ST3GAL1: variants seen among roughly 807,000 people sequenced by gnomAD.
ST3GAL1 encodes the protein ST3 beta-galactoside alpha-2,3-sialyltransferase 1, also known as CMP-N-acetylneuraminate-beta-galactosamide-alpha-2,3-sialyltransferase 1.
A neutral mutation model predicts 34.1 loss-of-function variants in ST3GAL1; 16 were observed. That is an observed-to-expected ratio of 0.47 (90% CI 0.32 to 0.71). The LOEUF is 0.71. Among genes scored for constraint, ST3GAL1 ranks in the 30% least tolerant of loss-of-function variants. The pLI is 0.04. For missense variants in ST3GAL1, 353 were observed against 447.4 expected, an observed-to-expected ratio of 0.79 and a Z score of 1.90; for synonymous variants, 191 against 184.7, an observed-to-expected ratio of 1.03 and a Z score of -0.28.
chr8:133,550,343 T>C (rs2131083054), intron 1 of ST3GAL1, among the ~76,000 whole-genome samples: 1 of 152,292 alleles, frequency 6.6e-6, no homozygotes, highest in East Asian at 1.9e-4. Context: ...AGCATGTTCA[T>C]ACACACGAGC....
intron 3 of ST3GAL1, among the ~76,000 whole-genome samples, chr8:133,478,121 T>C (rs1163345602): frequency 1.3e-5 from 2 of 152,206 alleles, no homozygotes; most frequent in African/African-American, 2.4e-5. Context: ...ACCTAGATTT[T>C]GTTTATAACC....
chr8:133,464,049 C>T (rs1281504263), intron 7 of ST3GAL1, among the ~76,000 whole-genome samples: 1 of 150,184 alleles, frequency 6.7e-6, no homozygotes, highest in Non-Finnish European at 1.5e-5. Context: ...CGGGGGCTAG[C>T]TCTGTTCCTA....
In ST3GAL1 at chr8:133,562,092, T is replaced by TA. The variant is rs777008720; in HGVS notation, c.-582+9600dup. Reference sequence around the variant, plus strand: ...AAGACCCTGTCTCCAAAAATAAAAATAAAAAAAAAGAGAGACCTACCAAGT... The same window carrying TA: ...AAGACCCTGTCTCCAAAAATAAAAATAAAAAAAAAAGAGAGACCTACCAAGT... On this transcript the variant is annotated intron_variant, in intron 1 of 9. Coordinates refer to ENST00000522652, the MANE Select transcript of ST3GAL1 (RefSeq NM_173344.3). Among the ~76,000 whole-genome samples, 185 of 146,202 alleles carry TA rather than the reference T, an allele frequency of 1.3e-3. 6 individuals carry two copies. The South Asian group carries it at 0.022, about 17-fold the overall frequency.
At position 133,464,326 on chromosome 8, in the gene ST3GAL1, A is replaced by T. The variant is rs903574432; in HGVS notation, c.683+452T>A. 2.0e-5 allele frequency among the ~76,000 whole-genome samples: 3 copies of T among 152,198 alleles called. No individual in the cohort carries two copies. In the East Asian group the frequency reaches 5.8e-4, roughly 29 times the overall value. Reference sequence around the variant, plus strand: ...CAGGGAAGCCACAGCCGCGTTGCTCAGCACTGCTTGCCCTGGGGAGGGGCC... The same window carrying T: ...CAGGGAAGCCACAGCCGCGTTGCTCTGCACTGCTTGCCCTGGGGAGGGGCC... On this transcript the variant is annotated intron_variant, in intron 7 of 9. Coordinates refer to ENST00000522652, the MANE Select transcript of ST3GAL1 (RefSeq NM_173344.3).
intron 2 of ST3GAL1, among the ~76,000 whole-genome samples, chr8:133,529,402 C>T (rs146523701): frequency 6.6e-6 from 1 of 152,302 alleles, no homozygotes; most frequent in East Asian, 1.9e-4. Flanking sequence ...GGTCGTAAAA[C>T]TCAGGACCTG....
chr8:133,487,725 T>C (rs1031534608), intron 3 of ST3GAL1, among the ~76,000 whole-genome samples: 3 of 152,102 alleles, frequency 2.0e-5, no homozygotes, highest in East Asian at 1.9e-4. Context: ...TCCCAGCACT[T>C]TGGGAGGCTA....
chr8:133,470,467 A>G lies in ST3GAL1; in HGVS notation c.307-4377T>C, dbSNP rs554854697. 3.9e-5 allele frequency among the ~76,000 whole-genome samples: 6 copies of G among 152,198 alleles called. No homozygotes were observed. In the South Asian group the frequency reaches 1.0e-3, roughly 26 times the overall value. On this transcript the variant is annotated intron_variant, in intron 5 of 9. Coordinates refer to ENST00000522652, the MANE Select transcript of ST3GAL1 (RefSeq NM_173344.3). ...TGCTACTGATATGAACACAGGACAG[A>G]GTGTTTGGAAGTTCAGGGACACGCC...
rs1406462185 is a variant in ST3GAL1, at chr8:133,547,726, T to C, written c.-581-1800A>G. Among the ~76,000 whole-genome samples the C allele has an allele frequency of 3.3e-5, 5 of 152,328 alleles. No homozygotes were observed. In the East Asian group the frequency reaches 9.7e-4, roughly 29 times the overall value. On this transcript the variant is annotated intron_variant, in intron 1 of 9. Coordinates refer to ENST00000522652, the MANE Select transcript of ST3GAL1 (RefSeq NM_173344.3). ...ATGTCTGTTTGTAGGCACTGGGGTT[T>C]GGGGCTGTTTGTTATACAGAGAAAG...
Position 133,464,809 on chromosome 8 carries a change from C to A in ST3GAL1, c.652G>T (p.Val218Leu). Reference protein sequence around the residue: ...PFKTIDLEWVVSAITTGTISH... With the variant: ...PFKTIDLEWVLSAITTGTISH... ...ATGGTGCCCGTGGTGATGGCGCTCACCACCCACTCCAAGTCGATGGTCTTG... is the reference window on the plus strand; with the variant it reads ...ATGGTGCCCGTGGTGATGGCGCTCAACACCCACTCCAAGTCGATGGTCTTG... The change falls in exon 7 of 10, where the codon GTG becomes TTG. Residue 218 changes from valine to leucine, a missense_variant. Physicochemically the swap from Val to Leu is conservative, Grantham distance 32 (BLOSUM62 1). Transcript: ENST00000522652. 6.2e-7 allele frequency: 1 copy of A among 1,613,708 alleles called. No individual in the cohort carries two copies. Among genetic ancestry groups the A allele is most frequent in the South Asian group, 1.1e-5 (1 of 91,034 alleles).
chr8:133,531,315 A>T (rs1563729685), intron 2 of ST3GAL1, among the ~76,000 whole-genome samples: 1 of 152,208 alleles, frequency 6.6e-6, no homozygotes, highest in Non-Finnish European at 1.5e-5. Flanking sequence ...ATATAAACAC[A>T]TGTATGTATA....
chr8:133,522,252 G>A (rs1007180266), intron 2 of ST3GAL1, among the ~76,000 whole-genome samples: 11 of 152,130 alleles, frequency 7.2e-5, no homozygotes, highest in African/African-American at 2.7e-4. Flanking sequence ...AGAGGATGTG[G>A]AAAAACGCAG....
intron 1 of ST3GAL1, among the ~76,000 whole-genome samples, chr8:133,553,265 T>C (rs1284863028): frequency 1.3e-5 from 2 of 152,148 alleles, no homozygotes; most frequent in Non-Finnish European, 2.9e-5. Context: ...ACAATCAACT[T>C]CCAGCTCTCT....
intron 2 of ST3GAL1, among the ~76,000 whole-genome samples, chr8:133,521,195 G>A (rs1170728556): frequency 1.5e-5 from 2 of 134,136 alleles, no homozygotes; most frequent in Admixed American, 7.6e-5. Flanking sequence ...GTGCAGTGGT[G>A]CAATCTTGGC....
chr8:133,470,976 G>C (rs560504295), intron 5 of ST3GAL1, among the ~76,000 whole-genome samples: 1 of 152,146 alleles, frequency 6.6e-6, no homozygotes, highest in African/African-American at 2.4e-5. Context: ...CACCCGTCCC[G>C]AGAGTGTTGG....
intron 3 of ST3GAL1, among the ~76,000 whole-genome samples, chr8:133,490,662 G>A (rs551258476): frequency 5.3e-5 from 8 of 152,336 alleles, no homozygotes; most frequent in African/African-American, 1.2e-4. Flanking sequence ...TGATGGAGAC[G>A]CTGGTATGTT....
intron 1 of ST3GAL1, among the ~76,000 whole-genome samples, chr8:133,568,815 G>T (rs888371010): frequency 6.6e-6 from 1 of 151,988 alleles, no homozygotes; most frequent in African/African-American, 2.4e-5. Flanking sequence ...GCTGCTTGGT[G>T]GGGAGGGGAG....
chr8:133,520,502 C>T (rs1333534091), intron 2 of ST3GAL1, among the ~76,000 whole-genome samples: 1 of 152,150 alleles, frequency 6.6e-6, no homozygotes, highest in Non-Finnish European at 1.5e-5. Context: ...TATGGGCCCA[C>T]CTAGGACCTT....
chr8:133,511,510 C>G (rs1273471764), intron 2 of ST3GAL1, among the ~76,000 whole-genome samples: 1 of 152,200 alleles, frequency 6.6e-6, no homozygotes, highest in Non-Finnish European at 1.5e-5. Context: ...GACTTATCAT[C>G]TCTCCATATT....
rs116156268 is a variant in ST3GAL1, at chr8:133,462,622, C to A, written c.730-628G>T. 2.3e-3 allele frequency among the ~76,000 whole-genome samples: 356 copies of A among 152,250 alleles called. 1 individual carries two copies. Among genetic ancestry groups the A allele is most frequent in the African/African-American group, 8.3e-3 (344 of 41,552 alleles). ...AAGGGAATTCTCAGGCAGGAGAGGG[C>A]GTGCACGTCCAGAAAGCCAAACTCC... On this transcript the variant is annotated intron_variant, in intron 8 of 9. Coordinates refer to ENST00000522652, the MANE Select transcript of ST3GAL1 (RefSeq NM_173344.3).
Sources: gnomAD v4.1 joint callset for allele counts (sites outside exome capture counted in the v4.1 genomes callset) on GRCh38, gnomAD v4.1.1 for gene constraint, MANE v1.5 for transcripts, NCBI Gene and HGNC (gene_info 2026-07-23, HGNC 2026-07-21) for gene names.